ZNF705A: variants seen among roughly 807,000 people sequenced by gnomAD.
ZNF705A encodes zinc finger protein 705A.
Under a neutral mutation model 16.6 loss-of-function variants are expected in ZNF705A, and 8 were observed. The observed-to-expected ratio is 0.48, with a 90% confidence interval of 0.28 to 0.87. ZNF705A has a LOEUF of 0.87. Among genes scored for constraint, ZNF705A ranks in the 40% least tolerant of loss-of-function variants. ZNF705A has a pLI of 0.10. For missense variants in ZNF705A, 233 were observed against 359.9 expected (o/e 0.65, Z 2.85); for synonymous variants, 73 against 117.3 (o/e 0.62, Z 2.44).
intron 1 of ZNF705A, among the ~76,000 whole-genome samples, chr12:8,161,184 TC>T (rs1430061006): frequency 1.3e-5 from 2 of 152,076 alleles, no homozygotes; most frequent in African/African-American, 2.4e-5. Flanking sequence ...ACCCATTTGA[TC>T]ATGGTTGGAT....
chr12:8,169,275 A>T (rs1280788276), upstream of ZNF705A, among the ~76,000 whole-genome samples: 2 of 152,308 alleles, frequency 1.3e-5, no homozygotes, highest in African/African-American at 4.8e-5. Flanking sequence ...AATAATTTTA[A>T]ATTCCATTCC....
chr12:8,176,057 A>G, intron 4 of ZNF705A, 115 bp downstream of exon 5: 2 of 1,515,174 alleles, frequency 1.3e-6, no homozygotes, highest in Non-Finnish European at 9.0e-7. Flanking sequence ...AGTGCTTTCT[A>G]AGCAAAAAAA....
chr12:8,168,554 G>A (rs190737181), upstream of ZNF705A, among the ~76,000 whole-genome samples: 7 of 152,128 alleles, frequency 4.6e-5, no homozygotes, highest in East Asian at 1.4e-3. Flanking sequence ...ATCTGCATTG[G>A]CCAATATAGT....
chr12:8,170,130 A>G (rs111353743), upstream of ZNF705A, among the ~76,000 whole-genome samples: 10,809 of 148,798 alleles, frequency 0.073, 1,206 homozygotes, highest in African/African-American at 0.24. Context: ...TGGAGGTTGC[A>G]GTGAGCCGAG....
chr12:8,167,106 A>G (rs1052470555), intron 1 of ZNF705A, among the ~76,000 whole-genome samples: 3 of 152,136 alleles, frequency 2.0e-5, no homozygotes, highest in Non-Finnish European at 4.4e-5. Flanking sequence ...AACTTTTTAT[A>G]TCTATTCACC....
chr12:8,174,476 C>T, intron 2 of ZNF705A, 24 bp downstream of exon 3: 1 of 1,592,208 alleles, frequency 6.3e-7, no homozygotes, highest in South Asian at 1.1e-5. Context: ...CATTCACGTA[C>T]ATATGTAGAC....
At chr12:8,179,937 A>AT (rs1162589877) in exon 5 of ZNF705A, 1 of 152,168 alleles carries the variant, frequency 6.6e-6, no homozygotes, top group Non-Finnish European at 1.5e-5. Flanking sequence ...TGCTTCTCTT[A>AT]TTCAAGCTCA....
At chr12:8,174,234 T>C in intron 1 of ZNF705A, 92 bp from the exon 3 acceptor site, 1 of 1,595,858 alleles carries the variant, frequency 6.3e-7, no homozygotes, top group South Asian at 1.1e-5. Context: ...GTATTCTGCA[T>C]ACCCAGCTCC....
upstream of ZNF705A, among the ~76,000 whole-genome samples, chr12:8,168,506 A>G (rs1472869377): frequency 6.6e-6 from 1 of 152,154 alleles, no homozygotes; most frequent in African/African-American, 2.4e-5. Flanking sequence ...TGTTTTGACC[A>G]TATCTCATTA....
intron 4 of ZNF705A, among the ~76,000 whole-genome samples, chr12:8,176,455 G>A (rs1948484847): frequency 6.6e-6 from 1 of 152,260 alleles, no homozygotes; most frequent in South Asian, 2.1e-4. Context: ...TAAAAGGTAG[G>A]TAGAAAAAAT....
At chr12:8,177,057 C>T (rs774222545) in exon 5 of ZNF705A, 1 of 1,610,752 alleles carries the variant, frequency 6.2e-7, no homozygotes, top group Non-Finnish European at 8.5e-7. Context: ...GAAGATTGCA[C>T]TCACAGTTCC....
At chr12:8,177,614 T>G (rs1948497032) in exon 5 of ZNF705A, 5 of 1,557,022 alleles carry the variant, frequency 3.2e-6, no homozygotes, top group Non-Finnish European at 4.4e-6. Flanking sequence ...AGAAAAGCCA[T>G]ATGAATGCCA....
chr12:8,166,853 C>T (rs1227288671), intron 1 of ZNF705A, among the ~76,000 whole-genome samples: 3 of 152,242 alleles, frequency 2.0e-5, no homozygotes, highest in Non-Finnish European at 2.9e-5. Flanking sequence ...ATTCTTCCCT[C>T]CTAGGCCTCC....
chr12:8,169,286 A>C (rs183384212), upstream of ZNF705A, among the ~76,000 whole-genome samples: 1 of 152,194 alleles, frequency 6.6e-6, no homozygotes, highest in East Asian at 1.9e-4. Context: ...ATTCCATTCC[A>C]CTTTCACCAT....
chr12:8,168,977 G>T (rs146772712), upstream of ZNF705A: 1 of 151,900 alleles, frequency 6.6e-6, no homozygotes, highest in Non-Finnish European at 1.5e-5. Context: ...GTACTTTTAC[G>T]TACTATATTC....
intron 1 of ZNF705A, among the ~76,000 whole-genome samples, chr12:8,167,472 T>C (rs74060109): frequency 0.026 from 3,894 of 152,246 alleles, 115 homozygotes; most frequent in African/African-American, 0.065. Context: ...TTTATTAATT[T>C]TTTTTCATAT....
At chr12:8,167,611 C>T (rs1365075362), upstream of ZNF705A, among the ~76,000 whole-genome samples, 1 of 152,168 alleles carries the variant, frequency 6.6e-6, no homozygotes, top group Non-Finnish European at 1.5e-5. Flanking sequence ...AAGTTCACTG[C>T]ATCCTCCCAC....
chr12:8,172,345 A>G (rs138640726), upstream of ZNF705A, among the ~76,000 whole-genome samples: 18 of 152,026 alleles, frequency 1.2e-4, no homozygotes, highest in African/African-American at 4.3e-4. Context: ...CATTCACAAG[A>G]TATCTGTGTT....
At chr12:8,178,435 T>C (rs1376431082) in exon 5 of ZNF705A, 1 of 152,774 alleles carries the variant, frequency 6.5e-6, no homozygotes, top group East Asian at 1.9e-4. Flanking sequence ...GAAAATTCTT[T>C]AGTGGTAATT....
Sources: allele counts gnomAD v4.1 joint callset (sites outside exome capture counted in the v4.1 genomes callset), GRCh38; gene constraint gnomAD v4.1.1; transcripts MANE v1.5; gene names NCBI Gene and HGNC (gene_info 2026-07-23, HGNC 2026-07-21).